BARD1: variants seen among roughly 807,000 people sequenced by gnomAD.
BARD1 encodes the protein BRCA1-associated RING domain protein 1.
BARD1 carries 73 observed loss-of-function variants against 77.0 expected under a neutral mutation model. The ratio of observed to expected loss-of-function variants is 0.95; its 90% confidence interval spans 0.79 to 1.15. The LOEUF (loss-of-function observed/expected upper bound fraction) is 1.15, where lower values mean the gene tolerates loss of function less well. Among genes scored for constraint, BARD1 ranks in the 50% most tolerant of loss-of-function variants. The pLI, the probability that BARD1 is intolerant of heterozygous loss-of-function variation, is 0.00. For missense variants in BARD1, 993 were observed against 938.8 expected (o/e 1.06, Z -0.75); for synonymous variants, 384 against 338.0 (o/e 1.14, Z -1.49).
intron 3 of BARD1, among the ~76,000 whole-genome samples, chr2:214,782,898 T>A (rs1574824666): frequency 6.6e-6 from 1 of 152,124 alleles, no homozygotes; most frequent in East Asian, 1.9e-4. Context: ...CAAGAGGAAA[T>A]ATATTGGCTC....
At chr2:214,745,693 C>G in intron 8 of BARD1, 29 bp downstream of exon 8, 2 of 1,613,396 alleles carry the variant, frequency 1.2e-6, no homozygotes, top group Non-Finnish European at 1.7e-6. Context: ...ATTTTTTCTA[C>G]CCCACCTCCC....
At chr2:214,802,122 T>A (rs1024008129) in intron 1 of BARD1, among the ~76,000 whole-genome samples, 14 of 152,312 alleles carry the variant, frequency 9.2e-5, no homozygotes, top group Middle Eastern at 3.4e-3. Context: ...GACTCACAAT[T>A]TTTTAGCTTT....
chr2:214,767,680 T>C, intron 5 of BARD1, 26 bp from the exon 6 acceptor site: 1 of 1,605,034 alleles, frequency 6.2e-7, no homozygotes, highest in Non-Finnish European at 8.5e-7. Context: ...GAAAAAGAAG[T>C]GAAAGAAGTG....
chr2:214,761,657 T>C (rs1029148112), intron 6 of BARD1, among the ~76,000 whole-genome samples: 1 of 151,890 alleles, frequency 6.6e-6, no homozygotes, highest in Non-Finnish European at 1.5e-5. Flanking sequence ...AAAAAAAGTA[T>C]AAGATCATCT....
At chr2:214,746,659 T>C (rs1693132024) in intron 7 of BARD1, among the ~76,000 whole-genome samples, 1 of 152,170 alleles carries the variant, frequency 6.6e-6, no homozygotes, top group Admixed American at 6.6e-5. Flanking sequence ...GTTCAGCTCA[T>C]CTTTCCTAGT....
At chr2:214,768,642 A>G (rs1274357010) in intron 5 of BARD1, among the ~76,000 whole-genome samples, 4 of 152,124 alleles carry the variant, frequency 2.6e-5, no homozygotes, top group Non-Finnish European at 4.4e-5. Flanking sequence ...TTCAAATCTC[A>G]TGTTTGTCCT....
chr2:214,743,865 T>C (rs974604823), intron 9 of BARD1, among the ~76,000 whole-genome samples: 2 of 152,192 alleles, frequency 1.3e-5, no homozygotes, highest in African/African-American at 2.4e-5. Flanking sequence ...TGGCCTGATT[T>C]CACTGGTTAT....
chr2:214,752,067 C>T (rs1693479198), intron 7 of BARD1, among the ~76,000 whole-genome samples: 1 of 152,152 alleles, frequency 6.6e-6, no homozygotes, highest in Non-Finnish European at 1.5e-5. Context: ...TACCTCCACC[C>T]AACGACACTC....
At chr2:214,808,629 T>C (rs1202910437) in intron 1 of BARD1, among the ~76,000 whole-genome samples, 1 of 152,114 alleles carries the variant, frequency 6.6e-6, no homozygotes, top group African/African-American at 2.4e-5. Flanking sequence ...GAAATGAAAA[T>C]GAGACAAACC....
intron 6 of BARD1, among the ~76,000 whole-genome samples, chr2:214,763,272 T>C (rs116778395): frequency 0.014 from 2,110 of 152,276 alleles, 25 homozygotes; most frequent in Non-Finnish European, 0.023. Flanking sequence ...CTTTCAGCCC[T>C]AGCTGAGACT....
intron 6 of BARD1, among the ~76,000 whole-genome samples, chr2:214,764,002 A>G (rs10498021): frequency 0.11 from 16,569 of 152,260 alleles, 1,050 homozygotes; most frequent in African/African-American, 0.16. Flanking sequence ...GGGTAGCCAC[A>G]ATCCCACAAA....
chr2:214,760,899 C>G (rs1248667822), intron 6 of BARD1, among the ~76,000 whole-genome samples: 1 of 151,330 alleles, frequency 6.6e-6, no homozygotes, highest in African/African-American at 2.4e-5. Flanking sequence ...CTCAGCCTCC[C>G]GAGTAGCTGG....
intron 2 of BARD1, among the ~76,000 whole-genome samples, chr2:214,794,745 T>C (rs1244168142): frequency 6.6e-6 from 1 of 152,170 alleles, no homozygotes; most frequent in Admixed American, 6.6e-5. Context: ...TCAGTTGAAC[T>C]GAGCTATGTC....
At chr2:214,788,969 T>A (rs1457908565) in intron 3 of BARD1, among the ~76,000 whole-genome samples, 1 of 151,920 alleles carries the variant, frequency 6.6e-6, no homozygotes, top group Non-Finnish European at 1.5e-5. Flanking sequence ...TCAAGGCTAG[T>A]TTGTTTTGGG....
At chr2:214,752,904 C>T (rs1236786202) in intron 6 of BARD1, among the ~76,000 whole-genome samples, 1 of 151,986 alleles carries the variant, frequency 6.6e-6, no homozygotes, top group Non-Finnish European at 1.5e-5. Context: ...TATTATAGGC[C>T]ATATAGTCTT....
intron 6 of BARD1, among the ~76,000 whole-genome samples, chr2:214,766,704 A>T (rs1186846433): frequency 6.6e-6 from 1 of 152,222 alleles, no homozygotes; most frequent in Non-Finnish European, 1.5e-5. Flanking sequence ...CCTCCCGTAT[A>T]CTTTAAATCA....
At chr2:214,765,303 C>CA (rs1694145847) in intron 6 of BARD1, among the ~76,000 whole-genome samples, 1 of 152,180 alleles carries the variant, frequency 6.6e-6, no homozygotes, top group Non-Finnish European at 1.5e-5. Context: ...AAGGCAGACT[C>CA]ACTCACTGTC....
intron 6 of BARD1, among the ~76,000 whole-genome samples, chr2:214,765,160 T>C (rs1320450879): frequency 6.6e-6 from 1 of 152,218 alleles, no homozygotes; most frequent in African/African-American, 2.4e-5. Flanking sequence ...TAGTGGCTAC[T>C]GAATGTCCAG....
intron 3 of BARD1, among the ~76,000 whole-genome samples, chr2:214,782,274 T>A (rs939324901): frequency 6.6e-6 from 1 of 152,096 alleles, no homozygotes; most frequent in Non-Finnish European, 1.5e-5. Flanking sequence ...ACACATTATA[T>A]GTTTTCACTT....
Sources: allele counts gnomAD v4.1 joint callset (sites outside exome capture counted in the v4.1 genomes callset), GRCh38; gene constraint gnomAD v4.1.1; transcripts MANE v1.5; gene names NCBI Gene and HGNC (gene_info 2026-07-23, HGNC 2026-07-21).